The following EML5 variants were observed in gnomAD, a reference collection of about 807,000 sequenced individuals.
EML5 encodes the protein EMAP like 5.
A neutral mutation model predicts 250.0 loss-of-function variants in EML5; 120 were observed. That is an observed-to-expected ratio of 0.48 (90% CI 0.41 to 0.56). The LOEUF is 0.56. EML5 is among the 20% of genes least tolerant of loss of function. The probability of loss-of-function intolerance (pLI) is 0.00; values close to 1 mark genes in which losing one functional copy is unlikely to be tolerated. For missense variants in EML5, 2,006 were observed against 2,437.6 expected, an observed-to-expected ratio of 0.82 and a Z score of 3.73; for synonymous variants, 771 against 806.5, an observed-to-expected ratio of 0.96 and a Z score of 0.75.
chr14:88,683,999 G>A (rs1027675696), intron 20 of EML5, among the ~76,000 whole-genome samples: 1 of 151,818 alleles, frequency 6.6e-6, no homozygotes, highest in Non-Finnish European at 1.5e-5. Flanking sequence ...CATCCAGATT[G>A]GACAAGAAGA....
intron 2 of EML5, among the ~76,000 whole-genome samples, chr14:88,747,878 A>AC: frequency 6.6e-6 from 1 of 151,140 alleles, no homozygotes; most frequent in African/African-American, 2.4e-5. Context: ...GTCTGAACTT[A>AC]CCCTCCCCGA....
chr14:88,712,796 CAG>C (rs2093427446), intron 9 of EML5, among the ~76,000 whole-genome samples: 1 of 151,784 alleles, frequency 6.6e-6, no homozygotes, highest in African/African-American at 2.4e-5. Flanking sequence ...TTAGTCATAA[CAG>C]GGTAAGTTAT....
chr14:88,727,560 C>T (rs1353487626), intron 7 of EML5, among the ~76,000 whole-genome samples: 1 of 151,960 alleles, frequency 6.6e-6, no homozygotes, highest in Non-Finnish European at 1.5e-5. Flanking sequence ...CACCACCACG[C>T]CTGTATTTTG....
intron 2 of EML5, among the ~76,000 whole-genome samples, chr14:88,746,696 A>C (rs1289896720): frequency 6.6e-6 from 1 of 152,146 alleles, no homozygotes; most frequent in Non-Finnish European, 1.5e-5. Flanking sequence ...TCGGGTGAAT[A>C]CTTGTACCCC....
rs142374840 is a variant in EML5, at chr14:88,625,056, G to A, written c.4812C>T (p.Ile1604=). The change falls in exon 36 of 44, where the codon ATC becomes ATT. Residue 1604 remains isoleucine (I), a synonymous_variant. Coordinates refer to ENST00000554922, the MANE Select transcript of EML5 (RefSeq NM_183387.3). ...CAGGCCCGTTGTGAGCTCTCGCCAC[G>A]ATTCTACACAATATGTGATCTTTCC... ...CVWKDHILCR[I]VARAHNGPVF... 193 of 1,612,436 alleles carry A rather than the reference G, an allele frequency of 1.2e-4. No homozygotes were observed. The African/African-American group carries it at 1.8e-3, about 15-fold the overall frequency.
At chr14:88,669,870 A>G (rs1046777503) in intron 21 of EML5, among the ~76,000 whole-genome samples, 2 of 152,186 alleles carry the variant, frequency 1.3e-5, no homozygotes, top group Non-Finnish European at 2.9e-5. Context: ...CCTCTGGGAC[A>G]GAGATCCCAG....
intron 26 of EML5, 30 bp downstream of exon 26, chr14:88,658,157 T>C (rs2140905899): frequency 1.9e-6 from 3 of 1,608,550 alleles, no homozygotes; most frequent in Non-Finnish European, 2.6e-6. Flanking sequence ...TTTCCCTATA[T>C]TTTTGTTCAA....
At chr14:88,756,690 C>A (rs1422557657) in intron 1 of EML5, among the ~76,000 whole-genome samples, 1 of 151,908 alleles carries the variant, frequency 6.6e-6, no homozygotes, top group Non-Finnish European at 1.5e-5. Context: ...TATACACTAG[C>A]AACGAACAAT....
At chr14:88,730,031 T>C (rs2093730938) in intron 7 of EML5, among the ~76,000 whole-genome samples, 1 of 152,172 alleles carries the variant, frequency 6.6e-6, no homozygotes, top group Non-Finnish European at 1.5e-5. Context: ...CAGTTACAAC[T>C]TGACAGAATT....
At chr14:88,779,077 T>C (rs1327113225) in intron 1 of EML5, among the ~76,000 whole-genome samples, 1 of 152,218 alleles carries the variant, frequency 6.6e-6, no homozygotes, top group East Asian at 1.9e-4. Context: ...AGGTAATCAC[T>C]GCTCCATTAG....
Position 88,732,370 on chromosome 14 carries a change from G to A in EML5, c.1049+3994C>T, listed in dbSNP as rs201187413. On this transcript the variant is annotated intron_variant, in intron 7 of 43. Coordinates refer to ENST00000554922, the MANE Select transcript of EML5 (RefSeq NM_183387.3). ...TTGTCAGGTTTGTCAAAGATCAGAC[G>A]GTTGTAGATGTGTGGTATTATTTCT... Among the ~76,000 whole-genome samples, 8 of 152,222 alleles carry A rather than the reference G, an allele frequency of 5.3e-5. No homozygotes were observed. The East Asian group carries it at 1.2e-3, about 22-fold the overall frequency.
intron 20 of EML5, among the ~76,000 whole-genome samples, chr14:88,683,076 T>C (rs1251387427): frequency 7.0e-6 from 1 of 142,306 alleles, no homozygotes; most frequent in Non-Finnish European, 1.6e-5. Context: ...ACAGTGAAAA[T>C]TGTTTTGAAA....
chr14:88,756,101 C>G (rs1201282328), intron 1 of EML5, among the ~76,000 whole-genome samples: 1 of 151,996 alleles, frequency 6.6e-6, no homozygotes, highest in African/African-American at 2.4e-5. Flanking sequence ...GGGTTTCTGG[C>G]TTGGGTATTT....
intron 1 of EML5, among the ~76,000 whole-genome samples, chr14:88,788,823 G>A (rs148904646): frequency 4.3e-4 from 65 of 151,926 alleles, no homozygotes; most frequent in Non-Finnish European, 1.2e-4. Flanking sequence ...TTTGGGAGGC[G>A]GAAGTGGGAG....
chr14:88,786,998 TG>T (rs1595890772), intron 1 of EML5, among the ~76,000 whole-genome samples: 3 of 152,216 alleles, frequency 2.0e-5, no homozygotes, highest in Non-Finnish European at 1.5e-5. Context: ...AGAACTGCTA[TG>T]GTGAAACAGA....
chr14:88,733,144 C>G (rs938273320), intron 7 of EML5, among the ~76,000 whole-genome samples: 5 of 152,190 alleles, frequency 3.3e-5, no homozygotes, highest in African/African-American at 1.2e-4. Flanking sequence ...GTCTCCACTG[C>G]CACACAAATC....
At chr14:88,695,538 C>A in intron 15 of EML5, 84 bp from the exon 16 acceptor site, 1 of 1,234,958 alleles carries the variant, frequency 8.1e-7, no homozygotes, top group South Asian at 1.4e-5. Flanking sequence ...AAACCCACAT[C>A]CTATATTTAA....
intron 21 of EML5, among the ~76,000 whole-genome samples, chr14:88,675,283 C>A (rs2092567646): frequency 6.6e-6 from 1 of 152,246 alleles, no homozygotes; most frequent in South Asian, 2.1e-4. Flanking sequence ...CAGCAAACTT[C>A]TGCCTGGGCA....
chr14:88,752,188 T>C (rs2094106311), intron 2 of EML5, among the ~76,000 whole-genome samples: 1 of 152,194 alleles, frequency 6.6e-6, no homozygotes, highest in Non-Finnish European at 1.5e-5. Flanking sequence ...ATGGGCATGA[T>C]TTCTCCTTGG....
Sources: gnomAD v4.1 joint callset for allele counts (sites outside exome capture counted in the v4.1 genomes callset) on GRCh38, gnomAD v4.1.1 for gene constraint, MANE v1.5 for transcripts, NCBI Gene and HGNC (gene_info 2026-07-23, HGNC 2026-07-21) for gene names.